The following MARCHF8 variants were observed in gnomAD, a reference collection of about 807,000 sequenced individuals.
MARCHF8 encodes the protein E3 ubiquitin-protein ligase MARCHF8.
Under a neutral mutation model 51.6 loss-of-function variants are expected in MARCHF8, and 40 were observed. The ratio of observed to expected loss-of-function variants is 0.77; its 90% confidence interval spans 0.60 to 1.01. MARCHF8 has a LOEUF of 1.01. MARCHF8 is among the 50% of genes least tolerant of loss of function. MARCHF8 has a pLI of 0.00. For synonymous variants in MARCHF8, 263 were observed against 280.3 expected, an observed-to-expected ratio of 0.94 and a Z score of 0.62; for missense variants, 685 against 708.6, an observed-to-expected ratio of 0.97 and a Z score of 0.38.
At chr10:45,581,955 AAGC>A (rs536576143) in intron 1 of MARCHF8, among the ~76,000 whole-genome samples, 204 of 152,250 alleles carry the variant, frequency 1.3e-3, no homozygotes, top group African/African-American at 4.8e-3. Context: ...AAAAAAAAAA[AAGC>A]AGATTTTCAA....
chr10:45,523,246 C>T (rs889944926), intron 2 of MARCHF8, among the ~76,000 whole-genome samples: 1 of 152,108 alleles, frequency 6.6e-6, no homozygotes, highest in Admixed American at 6.5e-5. Context: ...AAATTAGGGG[C>T]CCAATAGGGT....
rs532072283 is a variant in MARCHF8 at position 45,463,268 on chromosome 10, C to A, written c.971G>T (p.Arg324Met). ...EDSTSAKLKS[R>M]VLRAPLCSTE... ...GGAGCAGAGGGGCGCCCGCAGAACC[C>A]TACTCTTCAGTTTTGCAGATGTGCT... Residue 324 changes from arginine (R) to methionine (M), a missense_variant, in exon 5 of 8, where the codon AGG (arginine) becomes ATG (methionine). Physicochemically the swap from Arg to Met is moderately conservative, Grantham distance 91 (BLOSUM62 -1). Coordinates refer to ENST00000453424, the MANE Select transcript of MARCHF8 (RefSeq NM_001282866.2). The A allele has an allele frequency of 6.4e-7, 1 of 1,550,944 alleles. No individual in the cohort carries two copies. The highest frequency in any genetic ancestry group is 1.4e-5 in the African/African-American group (1 of 73,176).
intron 1 of MARCHF8, among the ~76,000 whole-genome samples, chr10:45,577,378 G>A (rs1470909806): frequency 6.6e-6 from 1 of 152,048 alleles, no homozygotes; most frequent in Non-Finnish European, 1.5e-5. Flanking sequence ...TAATTGGATT[G>A]CTTGTAACAC....
chr10:45,569,458 T>C (rs568227322), intron 1 of MARCHF8, among the ~76,000 whole-genome samples: 2 of 152,324 alleles, frequency 1.3e-5, no homozygotes. Context: ...TCCCACTTGG[T>C]CATGTTGAAT....
intron 3 of MARCHF8, among the ~76,000 whole-genome samples, chr10:45,478,150 G>A (rs34566829): frequency 6.6e-6 from 1 of 152,130 alleles, no homozygotes; most frequent in Non-Finnish European, 1.5e-5. Context: ...ATAGGCCACA[G>A]GTTAGGACAC....
intron 1 of MARCHF8, among the ~76,000 whole-genome samples, chr10:45,583,918 T>C (rs1489025012): frequency 2.0e-5 from 3 of 149,430 alleles, no homozygotes; most frequent in Admixed American, 6.7e-5. Flanking sequence ...AGGCAGAGAA[T>C]TGCTTAAACC....
chr10:45,478,738 C>G (rs559429128), intron 3 of MARCHF8, among the ~76,000 whole-genome samples: 1 of 152,012 alleles, frequency 6.6e-6, no homozygotes, highest in African/African-American at 2.4e-5. Flanking sequence ...GAGACTATTA[C>G]GAACTACATG....
chr10:45,494,326 A>T (rs2133107619), intron 2 of MARCHF8, among the ~76,000 whole-genome samples: 1 of 152,356 alleles, frequency 6.6e-6, no homozygotes, highest in East Asian at 1.9e-4. Context: ...TATCAAGAAG[A>T]CAACGAGGTG....
At chr10:45,528,640 T>G (rs1456605215) in intron 2 of MARCHF8, among the ~76,000 whole-genome samples, 1 of 152,170 alleles carries the variant, frequency 6.6e-6, no homozygotes, top group African/African-American at 2.4e-5. Flanking sequence ...TTTGTATTTT[T>G]TGTTGTGAGG....
At chr10:45,550,334 T>C (rs1375983704) in intron 1 of MARCHF8, among the ~76,000 whole-genome samples, 2 of 152,198 alleles carry the variant, frequency 1.3e-5, no homozygotes, top group African/African-American at 2.4e-5. Flanking sequence ...TCACGTTCCT[T>C]AACAAACACA....
intron 1 of MARCHF8, among the ~76,000 whole-genome samples, chr10:45,546,587 G>C (rs117488236): frequency 0.11 from 16,988 of 151,972 alleles, 1,354 homozygotes; most frequent in Non-Finnish European, 0.17. Context: ...TTTGAGACCA[G>C]CCTGGGCCAC....
At chr10:45,560,309 C>T (rs761835782) in intron 1 of MARCHF8, among the ~76,000 whole-genome samples, 5 of 152,120 alleles carry the variant, frequency 3.3e-5, no homozygotes, top group Admixed American at 6.5e-5. Context: ...CTTTGGAAAA[C>T]GATTTGGCTG....
intron 2 of MARCHF8, among the ~76,000 whole-genome samples, chr10:45,528,708 G>T (rs1315163513): frequency 6.6e-6 from 1 of 151,984 alleles, no homozygotes; most frequent in Admixed American, 6.6e-5. Context: ...ACCAAATCAA[G>T]AACCAAACCA....
intron 1 of MARCHF8, among the ~76,000 whole-genome samples, chr10:45,544,018 T>C (rs2044089383): frequency 6.6e-6 from 1 of 151,966 alleles, no homozygotes; most frequent in African/African-American, 2.4e-5. Flanking sequence ...CAGTGAGCTA[T>C]GATCACAACA....
intron 2 of MARCHF8, among the ~76,000 whole-genome samples, chr10:45,527,542 CCT>C (rs1415106576): frequency 2.6e-5 from 4 of 152,070 alleles, no homozygotes; most frequent in African/African-American, 9.7e-5. Flanking sequence ...AGACACACAA[CCT>C]CTCAAGAATG....
At position 45,530,606 on chromosome 10, in the gene MARCHF8, C is replaced by G. The variant is rs557425658; in HGVS notation, c.102+2504G>C. On this transcript the variant is annotated intron_variant, in intron 2 of 7. Transcript: ENST00000453424. Reference sequence around the variant, plus strand: ...AGACCAGCCTGGGCAATAGCAAGACCCCGACTCTACAAAATGAAAGAAAAA... The same window carrying G: ...AGACCAGCCTGGGCAATAGCAAGACGCCGACTCTACAAAATGAAAGAAAAA... 6.1e-4 allele frequency among the ~76,000 whole-genome samples: 93 copies of G among 151,930 alleles called. 2 individuals are homozygous for G. The South Asian group carries it at 0.018, about 30-fold the overall frequency.
intron 3 of MARCHF8, among the ~76,000 whole-genome samples, chr10:45,482,508 C>A (rs933458904): frequency 6.6e-6 from 1 of 152,194 alleles, no homozygotes; most frequent in Non-Finnish European, 1.5e-5. Flanking sequence ...AATCCCAGCA[C>A]TTTGGGAGGC....
chr10:45,590,143 G>A (rs572274237), intron 1 of MARCHF8, among the ~76,000 whole-genome samples: 9 of 152,182 alleles, frequency 5.9e-5, no homozygotes, highest in South Asian at 2.1e-4. Flanking sequence ...CTTAGTAACC[G>A]TCTTAGTTAC....
chr10:45,486,654 G>C (rs888353578), intron 3 of MARCHF8, among the ~76,000 whole-genome samples: 1 of 152,132 alleles, frequency 6.6e-6, no homozygotes, highest in Non-Finnish European at 1.5e-5. Flanking sequence ...GAACTGTCCT[G>C]GCCCAATCAA....
Sources: allele counts gnomAD v4.1 joint callset (sites outside exome capture counted in the v4.1 genomes callset), GRCh38; gene constraint gnomAD v4.1.1; transcripts MANE v1.5; gene names NCBI Gene and HGNC (gene_info 2026-07-23, HGNC 2026-07-21).